CFAP299: variants seen among roughly 807,000 people sequenced by gnomAD.
CFAP299 encodes cilia- and flagella-associated protein 299.
A neutral mutation model predicts 27.0 loss-of-function variants in CFAP299; 21 were observed. The observed-to-expected ratio is 0.78, with a 90% CI of 0.55 to 1.12. CFAP299 has a LOEUF of 1.12. Among genes scored for constraint, CFAP299 ranks in the 50% most tolerant of loss-of-function variants. CFAP299 has a pLI of 0.00. For synonymous variants in CFAP299, 104 were observed against 98.1 expected (o/e 1.06, Z -0.36); for missense variants, 310 against 276.6 (o/e 1.12, Z -0.86).
intron 4 of CFAP299, among the ~76,000 whole-genome samples, chr4:80,934,946 C>T (rs566432346): frequency 1.6e-4 from 25 of 151,722 alleles, no homozygotes; most frequent in Non-Finnish European, 3.2e-4. Context: ...GTTTTTATAG[C>T]TCCTTGAATA....
At chr4:80,924,318 A>G (rs1736192380) in intron 4 of CFAP299, among the ~76,000 whole-genome samples, 1 of 151,856 alleles carries the variant, frequency 6.6e-6, no homozygotes, top group African/African-American at 2.4e-5. Flanking sequence ...CAGTTCAAAA[A>G]AAGACCACAG....
chr4:80,503,736 C>G (rs961659266), intron 2 of CFAP299, among the ~76,000 whole-genome samples: 2 of 152,172 alleles, frequency 1.3e-5, no homozygotes, highest in African/African-American at 4.8e-5. Flanking sequence ...TTCAGGCTAT[C>G]AGCCCCTTGA....
chr4:80,763,287 A>T (rs975112447), intron 3 of CFAP299, among the ~76,000 whole-genome samples: 5 of 152,172 alleles, frequency 3.3e-5, no homozygotes, highest in Admixed American at 6.5e-5. Flanking sequence ...TGCAAAAATC[A>T]CAAGCATTCC....
At chr4:80,740,876 C>G (rs1560727934) in intron 3 of CFAP299, among the ~76,000 whole-genome samples, 2 of 152,122 alleles carry the variant, frequency 1.3e-5, no homozygotes, top group Non-Finnish European at 2.9e-5. Context: ...TTACTTAAAG[C>G]CAAGAGCTCT....
chr4:80,802,562 T>C (rs1294883813), intron 3 of CFAP299, among the ~76,000 whole-genome samples: 1 of 152,020 alleles, frequency 6.6e-6, no homozygotes, highest in Non-Finnish European at 1.5e-5. Flanking sequence ...CCATTCTTTC[T>C]GCCATCAAAA....
chr4:80,700,050 A>T (rs556420347), intron 3 of CFAP299, among the ~76,000 whole-genome samples: 1 of 152,180 alleles, frequency 6.6e-6, no homozygotes, highest in Non-Finnish European at 1.5e-5. Context: ...AATTGTACTT[A>T]AAAAGAACAG....
chr4:80,723,622 A>G (rs888600449), intron 3 of CFAP299, among the ~76,000 whole-genome samples: 1 of 152,148 alleles, frequency 6.6e-6, no homozygotes, highest in African/African-American at 2.4e-5. Context: ...AATGGGAACA[A>G]GATAACTCTT....
intron 3 of CFAP299, among the ~76,000 whole-genome samples, chr4:80,778,716 C>T (rs1283018860): frequency 6.6e-6 from 1 of 152,078 alleles, no homozygotes; most frequent in Non-Finnish European, 1.5e-5. Context: ...CCAACTACAT[C>T]TTTTAAAAAC....
intron 3 of CFAP299, among the ~76,000 whole-genome samples, chr4:80,779,847 C>A (rs941326719): frequency 2.0e-4 from 31 of 152,040 alleles, no homozygotes; most frequent in African/African-American, 6.5e-4. Flanking sequence ...ATGATAGGAC[C>A]TTTCTTTGAA....
At chr4:80,591,103 A>T in intron 3 of CFAP299, among the ~76,000 whole-genome samples, 1 of 57,162 alleles carries the variant, frequency 1.7e-5, no homozygotes, top group Non-Finnish European at 4.8e-5. Context: ...ATACTTTAGG[A>T]AATTTTTTTT....
At chr4:80,944,984 T>C in intron 5 of CFAP299, 45 bp downstream of exon 5, 2 of 1,549,350 alleles carry the variant, frequency 1.3e-6, no homozygotes, top group Middle Eastern at 3.4e-4. Context: ...TCACATGTTA[T>C]TGTATTTCTG....
chr4:80,527,787 A>G (rs532171501), intron 2 of CFAP299, among the ~76,000 whole-genome samples: 1 of 152,182 alleles, frequency 6.6e-6, no homozygotes, highest in East Asian at 1.9e-4. Context: ...TCAACATTGT[A>G]TGATTGAAAA....
At chr4:80,325,343 G>T in the CFAP299 span, among the ~76,000 whole-genome samples, 1 of 152,072 alleles carries the variant, frequency 6.6e-6, no homozygotes, top group Non-Finnish European at 1.5e-5. Flanking sequence ...ACATCATTTT[G>T]GCAAGTGATA....
At chr4:80,672,420 G>A (rs1475218349) in intron 3 of CFAP299, among the ~76,000 whole-genome samples, 1 of 152,154 alleles carries the variant, frequency 6.6e-6, no homozygotes, top group Non-Finnish European at 1.5e-5. Flanking sequence ...ATTTTATGGA[G>A]GATTTTCACG....
intron 3 of CFAP299, among the ~76,000 whole-genome samples, chr4:80,644,300 G>T (rs577805135): frequency 4.6e-4 from 70 of 152,220 alleles, no homozygotes; most frequent in African/African-American, 1.7e-3. Context: ...GAAGGGGTGG[G>T]TTATGGAGGG....
chr4:80,723,388 C>G (rs1262745705), intron 3 of CFAP299, among the ~76,000 whole-genome samples: 1 of 151,956 alleles, frequency 6.6e-6, no homozygotes, highest in Non-Finnish European at 1.5e-5. Context: ...AGTAAAATAC[C>G]ATGAAGTAAA....
chr4:80,736,327 A>G (rs1477735491), intron 3 of CFAP299, among the ~76,000 whole-genome samples: 2 of 152,122 alleles, frequency 1.3e-5, no homozygotes, highest in Non-Finnish European at 2.9e-5. Context: ...AGCACCATTT[A>G]TTAAATAGGG....
At chr4:80,661,561 C>A (rs1409515146) in intron 3 of CFAP299, among the ~76,000 whole-genome samples, 3 of 152,140 alleles carry the variant, frequency 2.0e-5, no homozygotes, top group Admixed American at 2.0e-4. Flanking sequence ...ATTTCCTATG[C>A]CTATCTTTAC....
chr4:80,546,543 A>T (rs1734237138), intron 2 of CFAP299, among the ~76,000 whole-genome samples: 1 of 152,152 alleles, frequency 6.6e-6, no homozygotes, highest in African/African-American at 2.4e-5. Context: ...TATTTTCCAC[A>T]TCCAAATCTC....
Sources: allele counts gnomAD v4.1 joint callset (sites outside exome capture counted in the v4.1 genomes callset), GRCh38; gene constraint gnomAD v4.1.1; transcripts MANE v1.5; gene names NCBI Gene and HGNC (gene_info 2026-07-23, HGNC 2026-07-21).